JADE1: variants seen among roughly 807,000 people sequenced by gnomAD.
JADE1 encodes jade family PHD finger 1.
In JADE1, 14 loss-of-function variants were observed where a neutral mutation model predicts 81.8. The ratio of observed to expected loss-of-function variants is 0.17; its 90% CI spans 0.11 to 0.27. JADE1 has a LOEUF of 0.27. JADE1 is among the 10% of genes least tolerant of loss of function. The pLI, the probability that JADE1 is intolerant of heterozygous loss-of-function variation, is 1.00. For synonymous variants in JADE1, 353 were observed against 391.9 expected (o/e 0.90, Z 1.17); for missense variants, 690 against 1,047.9 (o/e 0.66, Z 4.71).
In JADE1 at chr4:128,812,845, T is replaced by C. The variant is rs28558117; in HGVS notation, c.-27+2968T>C. Among the ~76,000 whole-genome samples the C allele has an allele frequency of 5.7e-3, 874 of 152,352 alleles. 12 individuals carry two copies. The highest frequency in any genetic ancestry group is 0.02 in the African/African-American group (840 of 41,590). ...TATTTGCCCCGGCCAAGAGGGAATT[T>C]AAATTTTCTTTTGTAAAATGACAGC... is the stretch of plus-strand genomic sequence containing the variant. On this transcript the variant is annotated intron_variant, in intron 1 of 10. Transcript: ENST00000226319.
At chr4:128,864,005 C>A in intron 9 of JADE1, 2 of 985,248 alleles carry the variant, frequency 2.0e-6, no homozygotes, top group Non-Finnish European at 2.4e-6. Context: ...TTTTTGGAGT[C>A]ATCACTGTCG....
chr4:128,842,560 A>G (rs1278402285), intron 2 of JADE1, among the ~76,000 whole-genome samples: 1 of 152,186 alleles, frequency 6.6e-6, no homozygotes, highest in East Asian at 1.9e-4. Context: ...TTGGCTTCCC[A>G]AAGTGCTGGG....
At chr4:128,870,629 T>A (rs1732119849) in intron 10 of JADE1, among the ~76,000 whole-genome samples, 1 of 152,194 alleles carries the variant, frequency 6.6e-6, no homozygotes, top group African/African-American at 2.4e-5. Flanking sequence ...GTTAATATTA[T>A]TTCGTGAAAT....
chr4:128,817,376 G>C (rs1022392250), intron 1 of JADE1, among the ~76,000 whole-genome samples: 1 of 152,114 alleles, frequency 6.6e-6, no homozygotes. Context: ...AGTGTCTCCT[G>C]TGCAGGAGAT....
Position 128,872,060 on chromosome 4 carries a change from A to G in JADE1, c.2327A>G (p.Tyr776Cys), listed in dbSNP as rs1418142941. The change falls in exon 11 of 11, where the codon TAC becomes TGC. Residue 776 changes from tyrosine to cysteine, a missense_variant. By Grantham distance (194) the Tyr-to-Cys change is radical. This residue lies in a region of JADE1 where 218 missense variants were observed against 274.3 expected (regional missense o/e 0.79). Coordinates refer to ENST00000226319, the MANE Select transcript of JADE1 (RefSeq NM_199320.4). ...HDGACHQHSD[Y>C]PYLGLGRVPA... Reference sequence around the variant, plus strand: ...GGGGCCTGCCACCAGCACTCAGACTACCCATATTTGGGCTTAGGCCGAGTT... The same window carrying G: ...GGGGCCTGCCACCAGCACTCAGACTGCCCATATTTGGGCTTAGGCCGAGTT... 2 of 1,613,990 alleles carry G rather than the reference A, an allele frequency of 1.2e-6. No individual in the cohort carries two copies. The highest frequency in any genetic ancestry group is 8.5e-7 in the Non-Finnish European group (1 of 1,180,014).
Position 128,818,281 on chromosome 4 carries a change from C to T in JADE1, c.-27+8404C>T, listed in dbSNP as rs368550527. On this transcript the variant is annotated intron_variant, in intron 1 of 10. Coordinates refer to ENST00000226319, the MANE Select transcript of JADE1 (RefSeq NM_199320.4). ...GATTACAGGCGTGTGCCACCATGCC[C>T]TGCTAATTTTTGTATTTTTAGTAGA... is the stretch of plus-strand genomic sequence containing the variant. Among the ~76,000 whole-genome samples, 1,050 of 152,128 alleles carry T rather than the reference C, an allele frequency of 6.9e-3. 7 individuals are homozygous for T. Among genetic ancestry groups the T allele is most frequent in the Non-Finnish European group, 9.9e-3 (675 of 67,982 alleles).
intron 2 of JADE1, among the ~76,000 whole-genome samples, chr4:128,836,117 C>A (rs1728961388): frequency 6.6e-6 from 1 of 152,146 alleles, no homozygotes; most frequent in Non-Finnish European, 1.5e-5. Flanking sequence ...CTTTCCAGCC[C>A]AGGATCCTGT....
At chr4:128,828,533 A>G (rs2125820099) in intron 1 of JADE1, among the ~76,000 whole-genome samples, 1 of 143,548 alleles carries the variant, frequency 7.0e-6, no homozygotes, top group East Asian at 2.2e-4. Flanking sequence ...GGAGAAGCAA[A>G]TACAGCACTC....
intron 7 of JADE1, 56 bp downstream of exon 7, chr4:128,855,853 CTG>C (rs1452103142): frequency 6.7e-7 from 1 of 1,484,342 alleles, no homozygotes; most frequent in African/African-American, 1.4e-5. Flanking sequence ...GAGTTTAACT[CTG>C]TCGCCCAGGC....
intron 8 of JADE1, among the ~76,000 whole-genome samples, chr4:128,858,605 T>A (rs1731000244): frequency 4.7e-5 from 2 of 42,178 alleles, no homozygotes; most frequent in South Asian, 3.0e-3. Context: ...GTTTTAAAAT[T>A]TTTTTTTTTT....
chr4:128,842,932 T>C (rs1579171773), intron 2 of JADE1, 21 bp from the exon 3 acceptor site: 3 of 1,606,394 alleles, frequency 1.9e-6, no homozygotes, highest in Middle Eastern at 1.7e-4. Flanking sequence ...ATGGTTCTTA[T>C]TTGGATATTT....
chr4:128,843,864 C>T lies in JADE1; in HGVS notation c.138+826C>T, dbSNP rs191571364. On this transcript the variant is annotated intron_variant, in intron 3 of 10. Coordinates refer to ENST00000226319, the MANE Select transcript of JADE1 (RefSeq NM_199320.4). ...GAACTTCCCAGGCTCTAATAGGGAA[C>T]GTCAGAAGGCTGCCCTGCTGTGGAG... Among the ~76,000 whole-genome samples the T allele has an allele frequency of 2.1e-3, 322 of 152,236 alleles. 2 individuals carry two copies. Among genetic ancestry groups the T allele is most frequent in the Admixed American group, 4.4e-3 (67 of 15,298 alleles).
At chr4:128,831,422 G>T in intron 1 of JADE1, 1 of 315,792 alleles carries the variant, frequency 3.2e-6, no homozygotes, top group Non-Finnish European at 6.0e-6. Flanking sequence ...TGCAGTGCTT[G>T]CTGCCAGTCA....
Position 128,846,512 on chromosome 4 carries a change from C to T in JADE1, c.276C>T (p.Thr92=). Residue 92 remains threonine (T), a synonymous_variant, in exon 4 of 11, where the codon ACC becomes ACT. Coordinates refer to ENST00000226319, the MANE Select transcript of JADE1 (RefSeq NM_199320.4). This position sits in a 1 kb window ranked among gnomAD's most constrained non-coding sequence, Gnocchi z 4.0. ...KGVQVPVSPG[T]IPQPVARVVS... ...TCCAGGTGCCTGTGAGCCCGGGGACCATCCCTCAGCCTGTGGCCAGGTAGA... is the reference window on the plus strand; with the variant it reads ...TCCAGGTGCCTGTGAGCCCGGGGACTATCCCTCAGCCTGTGGCCAGGTAGA... 1.9e-6 allele frequency: 3 copies of T among 1,614,114 alleles called. No individual in the cohort carries two copies. In the South Asian group the frequency reaches 3.3e-5, roughly 18 times the overall value.
At chr4:128,815,104 C>G (rs901610971) in intron 1 of JADE1, among the ~76,000 whole-genome samples, 2 of 148,590 alleles carry the variant, frequency 1.3e-5, no homozygotes, top group African/African-American at 5.0e-5. Flanking sequence ...GGCTGGAGTG[C>G]AGGGGTGCGA....
At chr4:128,814,097 C>T (rs1018573326) in intron 1 of JADE1, among the ~76,000 whole-genome samples, 2 of 151,238 alleles carry the variant, frequency 1.3e-5, no homozygotes, top group African/African-American at 4.9e-5. Context: ...GACTGGTTTT[C>T]TGCCTGTAAA....
intron 1 of JADE1, among the ~76,000 whole-genome samples, chr4:128,812,804 A>C (rs1413711118): frequency 9.2e-5 from 14 of 152,230 alleles, no homozygotes; most frequent in Admixed American, 9.2e-4. Flanking sequence ...GGCAGGGGCG[A>C]GGGGCTGTCG....
At chr4:128,866,703 T>G (rs1424292300) in intron 9 of JADE1, among the ~76,000 whole-genome samples, 3 of 152,228 alleles carry the variant, frequency 2.0e-5, no homozygotes, top group Non-Finnish European at 4.4e-5. Flanking sequence ...GGGAAGAGTT[T>G]GCTCATAATG....
At chr4:128,834,105 G>C (rs967033420) in intron 2 of JADE1, among the ~76,000 whole-genome samples, 5 of 152,198 alleles carry the variant, frequency 3.3e-5, no homozygotes, top group African/African-American at 9.7e-5. Flanking sequence ...GTCCCTTTCA[G>C]TTGTCCAGAG....
Sources: allele counts gnomAD v4.1 joint callset (sites outside exome capture counted in the v4.1 genomes callset), GRCh38; gene constraint gnomAD v4.1.1; regional missense constraint gnomAD v4.1.1; non-coding constraint Gnocchi (gnomAD v3.1); transcripts MANE v1.5; gene names NCBI Gene and HGNC (gene_info 2026-07-23, HGNC 2026-07-21).